The following LIG1 variants were observed in gnomAD, a reference collection of about 807,000 sequenced individuals.
The protein encoded by LIG1 is DNA ligase 1.
Under a neutral mutation model 115.7 loss-of-function variants are expected in LIG1, and 70 were observed. The observed-to-expected ratio is 0.60, with a 90% CI of 0.50 to 0.74. The LOEUF (loss-of-function observed/expected upper bound fraction) is 0.74. Among genes scored for constraint, LIG1 ranks in the 30% least tolerant of loss-of-function variants. LIG1 has a pLI of 0.00. For missense variants in LIG1, 1,115 were observed against 1,225.6 expected (o/e 0.91, Z 1.35); for synonymous variants, 487 against 495.3 (o/e 0.98, Z 0.22).
chr19:48,154,236 T>C (rs973766399), intron 5 of LIG1: 6 of 446,464 alleles, frequency 1.3e-5, no homozygotes, highest in African/African-American at 1.0e-4. Context: ...AACAATGATG[T>C]AATGTACTTG....
chr19:48,123,743 G>C lies in LIG1; in HGVS notation c.2005-425C>G, dbSNP rs376424084. Reference sequence around the variant, plus strand: ...AGCGACTGTCTTGCGTCGGCCTCCCGAGTAGCTGGGACTACAGGTGCACAT... The same window carrying C: ...AGCGACTGTCTTGCGTCGGCCTCCCCAGTAGCTGGGACTACAGGTGCACAT... On this transcript the variant is annotated intron_variant, in intron 21 of 27. Transcript: ENST00000263274. 476 of 281,688 alleles carry C rather than the reference G, an allele frequency of 1.7e-3. 5 individuals carry two copies. Among genetic ancestry groups the C allele is most frequent in the African/African-American group, 9.7e-3 (442 of 45,486 alleles). 17.4% of individuals were successfully genotyped at this position (281,688 alleles called of 1,614,324 possible). A position where few individuals can be genotyped will look rare whatever the true frequency, so the allele number is the denominator to read the frequency against.
At position 48,137,243 on chromosome 19, in the gene LIG1, G is replaced by GT. The variant is rs547486353; in HGVS notation, c.1255-160dup. On this transcript the variant is annotated intron_variant, in intron 13 of 27. Coordinates refer to ENST00000263274, the MANE Select transcript of LIG1 (RefSeq NM_000234.3). The surrounding 1 kb of genome is among the most constrained non-coding windows in gnomAD (Gnocchi z 4.3). ...CCCATGGCCGCCCACTCTTAGGGCA[G>GT]TAAGAACGAGCTAGCTCTCCTCCTT... 4.6e-5 allele frequency among the ~76,000 whole-genome samples: 7 copies of GT among 152,340 alleles called. No individual in the cohort carries two copies. The South Asian group carries it at 1.4e-3, about 32-fold the overall frequency.
chr19:48,152,915 G>A (rs1276427201), intron 6 of LIG1, among the ~76,000 whole-genome samples: 2 of 152,176 alleles, frequency 1.3e-5, no homozygotes, highest in Non-Finnish European at 2.9e-5. Flanking sequence ...ACAAAATACA[G>A]GCTGGGCGCA....
intron 21 of LIG1, among the ~76,000 whole-genome samples, chr19:48,126,123 C>T (rs1861604697): frequency 6.6e-6 from 1 of 152,076 alleles, no homozygotes; most frequent in Non-Finnish European, 1.5e-5. Flanking sequence ...GATAAAGCAC[C>T]TGCCACTGTT....
chr19:48,165,682 C>T (rs1599891692), intron 1 of LIG1, 59 bp from the exon 2 acceptor site: 2 of 1,124,234 alleles, frequency 1.8e-6, no homozygotes, highest in Admixed American at 1.9e-5. Context: ...TCTAAACACA[C>T]ATAAAACCCT....
chr19:48,133,944 C>A, intron 17 of LIG1, 37 bp downstream of exon 17: 1 of 1,526,046 alleles, frequency 6.6e-7, no homozygotes, highest in Non-Finnish European at 8.9e-7. Flanking sequence ...GGGAGCAGGG[C>A]TGCTGCCAGG....
chr19:48,150,030 G>A (rs375454986), intron 8 of LIG1, 58 bp downstream of exon 8: 16 of 1,612,124 alleles, frequency 9.9e-6, no homozygotes, highest in Non-Finnish European at 1.3e-5. Context: ...CTGGAGAGAG[G>A]CTCACCAGCC....
At chr19:48,141,171 G>A (rs535980419) in intron 11 of LIG1, among the ~76,000 whole-genome samples, 8 of 152,296 alleles carry the variant, frequency 5.3e-5, no homozygotes, top group African/African-American at 1.7e-4. Flanking sequence ...ACGGAGTCTC[G>A]CTCCATCGCC....
In LIG1 at chr19:48,128,029, T is replaced by C; in HGVS notation, c.1822-9A>G. 2 of 1,608,698 alleles carry C rather than the reference T, an allele frequency of 1.2e-6. No homozygotes were observed. The highest frequency in any genetic ancestry group is 8.5e-7 in the Non-Finnish European group (1 of 1,175,222). On this transcript the variant is annotated splice_polypyrimidine_tract_variant and intron_variant, in intron 19 of 27. Coordinates refer to ENST00000263274, the MANE Select transcript of LIG1 (RefSeq NM_000234.3). ...ACCGATGGGAGTTTAATCTGAAAAG[T>C]GAAGGGAGAGACCCAGGGCCTGAGA...
chr19:48,120,185 C>CAACA lies in LIG1; in HGVS notation c.2385+981_2385+984dup, dbSNP rs3731033. On this transcript the variant is annotated intron_variant, in intron 24 of 27. Coordinates refer to ENST00000263274, the MANE Select transcript of LIG1 (RefSeq NM_000234.3). ...ACATTACCCATCAGAACAAAGCCGG[C>CAACA]AACAACTTCCCCACACAGCCACGGG... The CAACA allele has an allele frequency of 4.5e-4, 447 of 985,426 alleles. 18 individuals are homozygous for CAACA. The East Asian group carries it at 0.026, about 57-fold the overall frequency. The allele number at this position is 985,426 out of a possible 1,614,324, so 61.0% of individuals were successfully genotyped here.
intron 2 of LIG1, among the ~76,000 whole-genome samples, chr19:48,163,816 G>A (rs2036324288): frequency 6.6e-6 from 1 of 151,848 alleles, no homozygotes; most frequent in African/African-American, 2.4e-5. Context: ...GTGGTGGCAG[G>A]CGCCTGTAGT....
chr19:48,117,533 T>C lies in LIG1; in HGVS notation c.2583+105A>G. On this transcript the variant is annotated intron_variant, in intron 26 of 27. Coordinates refer to ENST00000263274, the MANE Select transcript of LIG1 (RefSeq NM_000234.3). ...AAATGCAAGCTCATCTTCCTGATCCTTACCTGGAAGAGCAGATGTGAGCCA... is the reference window on the plus strand; with the variant it reads ...AAATGCAAGCTCATCTTCCTGATCCCTACCTGGAAGAGCAGATGTGAGCCA... 3.3e-6 allele frequency: 4 copies of C among 1,222,746 alleles called. No individual in the cohort carries two copies. The South Asian group carries it at 5.2e-5, about 16-fold the overall frequency. 75.7% of individuals were successfully genotyped at this position (1,222,746 alleles called of 1,614,324 possible).
intron 23 of LIG1, among the ~76,000 whole-genome samples, chr19:48,121,535 C>T (rs2033275895): frequency 6.6e-6 from 1 of 152,190 alleles, no homozygotes; most frequent in African/African-American, 2.4e-5. Flanking sequence ...GGCACGGTGG[C>T]TCATGCCTGT....
intron 24 of LIG1, chr19:48,120,267 G>A (rs1055798809): frequency 2.0e-6 from 2 of 985,242 alleles, no homozygotes; most frequent in African/African-American, 1.7e-5. Flanking sequence ...GAAAACTCTT[G>A]TGCGGGCATT....
intron 4 of LIG1, among the ~76,000 whole-genome samples, chr19:48,160,312 T>C (rs1025947462): frequency 2.6e-5 from 4 of 152,218 alleles, no homozygotes; most frequent in Non-Finnish European, 4.4e-5. Context: ...AGCAGGGGAC[T>C]GAGCCAGGCG....
chr19:48,151,318 C>A lies in LIG1; in HGVS notation c.488G>T (p.Ser163Ile), dbSNP rs2122856557. ...EEEEEETPKE[S>I]LTEAEVATEK... ...TGTGGCCACTTCAGCCTCTGTGAGG[C>A]TTTCTTTCGGGGTCTCCTCTTCTGA... Residue 163 changes from serine to isoleucine, a missense_variant, in exon 7 of 28, where the codon AGC becomes ATC. Coordinates refer to ENST00000263274, the MANE Select transcript of LIG1 (RefSeq NM_000234.3). 9 of 1,613,326 alleles carry A rather than the reference C, an allele frequency of 5.6e-6. No homozygotes were observed. The highest frequency in any genetic ancestry group is 7.6e-6 in the Non-Finnish European group (9 of 1,179,336).
intron 2 of LIG1, among the ~76,000 whole-genome samples, chr19:48,164,989 C>T (rs886581498): frequency 1.3e-5 from 2 of 152,142 alleles, no homozygotes; most frequent in Admixed American, 6.5e-5. Flanking sequence ...GGCCGGGCGC[C>T]GTGGCTCACG....
At chr19:48,151,367 C>CA (rs1568534116) in intron 6 of LIG1, 28 bp from the exon 7 acceptor site, 6 of 1,386,104 alleles carry the variant, frequency 4.3e-6, no homozygotes, top group African/African-American at 1.4e-5. Flanking sequence ...GGTCAGATGG[C>CA]AAAAAAATCC....
At position 48,136,678 on chromosome 19, in the gene LIG1, G is replaced by T. The variant is rs1175685770; in HGVS notation, c.1331+330C>A. On this transcript the variant is annotated intron_variant, in intron 14 of 27. Transcript: ENST00000263274. ...TGCTCCATGATGTGAGCCCTCAATG[G>T]ATTTGCTCTCACTGTCATGGCAAAC... Among the ~76,000 whole-genome samples, 6 of 152,182 alleles carry T rather than the reference G, an allele frequency of 3.9e-5. 1 individual carries two copies. Among genetic ancestry groups the T allele is most frequent in the Non-Finnish European group, 8.8e-5 (6 of 68,014 alleles).
Sources: allele counts gnomAD v4.1 joint callset (sites outside exome capture counted in the v4.1 genomes callset), GRCh38; gene constraint gnomAD v4.1.1; non-coding constraint Gnocchi (gnomAD v3.1); transcripts MANE v1.5; gene names NCBI Gene and HGNC (gene_info 2026-07-23, HGNC 2026-07-21).